The following RPS3A variants were observed in gnomAD, a reference collection of about 807,000 sequenced individuals.
The protein encoded by RPS3A is small ribosomal subunit protein eS1.
In RPS3A, 1 loss-of-function variant was observed where a neutral mutation model predicts 26.4. The ratio of observed to expected loss-of-function variants is 0.04; its 90% CI spans 0.01 to 0.18. RPS3A has a LOEUF of 0.18. Ranked by LOEUF, RPS3A falls within the 10% of genes least tolerant of loss-of-function variation. RPS3A has a pLI of 1.00. For synonymous variants in RPS3A, 97 were observed against 106.1 expected (o/e 0.91, Z 0.53); for missense variants, 139 against 326.8 (o/e 0.43, Z 4.43).
At chr4:151,099,980 G>A (rs1204326868) in intron 1 of RPS3A, 17 of 653,590 alleles carry the variant, frequency 2.6e-5, no homozygotes, top group Non-Finnish European at 4.5e-5. Context: ...AGTTTTGTGG[G>A]CTCACGAGCT....
Position 151,103,073 on chromosome 4 carries a change from A to G in RPS3A, c.557A>G (p.Asn186Ser), listed in dbSNP as rs745945343. Reference sequence around the variant, plus strand: ...ACAAATGACTTGAAAGAAGTGGTCAATAAATTGTAAGTGTTTCTTTGCTTC... The same window carrying G: ...ACAAATGACTTGAAAGAAGTGGTCAGTAAATTGTAAGTGTTTCTTTGCTTC... The part of the protein sequence containing the change: ...VQTNDLKEVV[N>S]KLIPDSIGKD... The change falls in exon 4 of 6, where the codon AAT (asparagine) becomes AGT (serine). Residue 186 changes from asparagine (N) to serine (S), a missense_variant. Asn to Ser is a conservative substitution (Grantham distance 46). Around this residue, in one of 3 missense-constraint regions of RPS3A, gnomAD observed 96 missense variants for 209.8 expected, o/e 0.46. Coordinates refer to ENST00000274065, the MANE Select transcript of RPS3A (RefSeq NM_001006.5). 52 of 1,597,820 alleles carry G rather than the reference A, an allele frequency of 3.3e-5. No individual in the cohort carries two copies. The highest frequency in any genetic ancestry group is 4.0e-5 in the Non-Finnish European group (47 of 1,178,950).
At chr4:151,104,092 C>T (rs750296441) in intron 4 of RPS3A, 85 bp from the exon 5 acceptor site, 1 of 1,515,866 alleles carries the variant, frequency 6.6e-7, no homozygotes, top group Non-Finnish European at 8.8e-7. Context: ...TAGGTTTATT[C>T]CAAGGCTTCT....
At position 151,104,439 on chromosome 4, in the gene RPS3A, G is replaced by GTTTTTTTTTTTTTTTTTTTTTTTTT. The variant is rs386401872; in HGVS notation, c.674-10_674-9insTTTTTTTTTTTTTTTTTTTTTTTTT. 3.7e-5 allele frequency: 26 copies of GTTTTTTTTTTTTTTTTTTTTTTTTT among 711,716 alleles called. 3 individuals carry two copies. The highest frequency in any genetic ancestry group is 1.1e-4 in the African/African-American group (4 of 34,808). The allele number at this position is 711,716 out of a possible 1,614,324, so 44.1% of individuals were successfully genotyped here. On this transcript the variant is annotated intron_variant, in intron 5 of 5. Coordinates refer to ENST00000274065, the MANE Select transcript of RPS3A (RefSeq NM_001006.5). ...TTCAAGATATACTAACAGTTTTTTG[G>GTTTTTTTTTTTTTTTTTTTTTTTTT]TTTTTTTTTTTTTTTTTTTTTTTGC...
chr4:151,101,191 G>T lies in RPS3A; in HGVS notation c.354+29G>T, dbSNP rs752541145. 5.4e-6 allele frequency: 8 copies of T among 1,469,706 alleles called. No homozygotes were observed. In the East Asian group the frequency reaches 1.6e-4, roughly 30 times the overall value. 91.0% of individuals were successfully genotyped at this position (1,469,706 alleles called of 1,614,324 possible). On this transcript the variant is annotated intron_variant, in intron 3 of 5. Coordinates refer to ENST00000274065, the MANE Select transcript of RPS3A (RefSeq NM_001006.5). ...AGACCCAAAGTTCCTTAGAGTGGTT[G>T]TGCTATGGGTGTTTGACCAAGGATA...
intron 4 of RPS3A, 200 bp from the exon 5 acceptor site, chr4:151,103,973 ACTAG>A (rs1747250790): frequency 2.0e-6 from 3 of 1,519,046 alleles, no homozygotes; most frequent in African/African-American, 2.8e-5. Context: ...TAACTTTGCC[ACTAG>A]CTAGCTATGT....
intron 3 of RPS3A, 41 bp from the exon 4 acceptor site, chr4:151,102,830 A>G: frequency 2.5e-6 from 4 of 1,575,686 alleles, no homozygotes; most frequent in Non-Finnish European, 3.5e-6. Context: ...TAAATGGATA[A>G]CGTAAAACCT....
At chr4:151,104,368 C>G (rs72965633) in intron 5 of RPS3A, 82 bp downstream of exon 5, 2 of 1,510,746 alleles carry the variant, frequency 1.3e-6, no homozygotes, top group African/African-American at 2.9e-5. Context: ...ATATCATGGC[C>G]TTCTTTTTCT....
intron 1 of RPS3A, 168 bp downstream of exon 1, chr4:151,099,882 C>T (rs1465317470): frequency 1.9e-5 from 13 of 671,128 alleles, no homozygotes; most frequent in Non-Finnish European, 3.4e-5. Flanking sequence ...TGTTGAGTAG[C>T]GGCAGGTCGG....
chr4:151,100,056 C>T, intron 1 of RPS3A: 2 of 562,606 alleles, frequency 3.6e-6, no homozygotes, highest in Middle Eastern at 2.7e-4. Flanking sequence ...CCCTTCTATC[C>T]ATTCAGGACC....
At chr4:151,100,743 C>T (rs1390923073) in intron 2 of RPS3A, among the ~76,000 whole-genome samples, 155 bp downstream of exon 2, 1 of 152,154 alleles carries the variant, frequency 6.6e-6, no homozygotes, top group Non-Finnish European at 1.5e-5. Flanking sequence ...ATTTTTAGTA[C>T]AGCACTTGGA....
At position 151,104,631 on chromosome 4, in the gene RPS3A, T is replaced by A. The variant is rs747719931; in HGVS notation, c.*38T>A. The A allele has an allele frequency of 1.3e-6, 2 of 1,561,760 alleles. No individual in the cohort carries two copies. Among genetic ancestry groups the A allele is most frequent in the Non-Finnish European group, 1.7e-6 (2 of 1,169,304 alleles). On this transcript the variant is annotated 3_prime_UTR_variant, in exon 6 of 6. Transcript: ENST00000274065. ...AAATAGTGGCAAATAAAAAGTGCTA[T>A]TTGTGATGGTTTGCTTCTGAACATT...
At position 151,104,083 on chromosome 4, in the gene RPS3A, A is replaced by T. The variant is rs1248198731; in HGVS notation, c.564-94A>T. On this transcript the variant is annotated intron_variant, in intron 4 of 5. Transcript: ENST00000274065. ...GTTAAATGAGGTAGGTGTTATGTGT[A>T]GGTTTATTCCAAGGCTTCTCTACTT... 7.9e-6 allele frequency: 12 copies of T among 1,517,214 alleles called. No homozygotes were observed. In the East Asian group the frequency reaches 2.3e-4, roughly 29 times the overall value. The allele number at this position is 1,517,214 out of a possible 1,614,324, so 94.0% of individuals were successfully genotyped here.
intron 3 of RPS3A, among the ~76,000 whole-genome samples, chr4:151,101,740 T>C (rs976134963): frequency 2.0e-5 from 3 of 151,748 alleles, no homozygotes; most frequent in Non-Finnish European, 4.4e-5. Context: ...TTTGTGGGAG[T>C]TTTTTGTTTT....
chr4:151,104,066 A>G (rs182992489), intron 4 of RPS3A, 111 bp from the exon 5 acceptor site: 25 of 1,499,292 alleles, frequency 1.7e-5, no homozygotes, highest in Admixed American at 4.9e-5. Context: ...AGGTTAAATG[A>G]GGTAGGTGTT....
rs1418562412 is a variant in RPS3A at position 151,100,029 on chromosome 4, A to G, written c.62+315A>G. ...GAGTGTTTGATGGCACTGCGACAGCAGGAGTTGAGGAAAGCACCCTTCTAT... is the reference window on the plus strand; with the variant it reads ...GAGTGTTTGATGGCACTGCGACAGCGGGAGTTGAGGAAAGCACCCTTCTAT... On this transcript the variant is annotated intron_variant, in intron 1 of 5. Coordinates refer to ENST00000274065, the MANE Select transcript of RPS3A (RefSeq NM_001006.5). 5.0e-6 allele frequency: 3 copies of G among 599,096 alleles called. No homozygotes were observed. The African/African-American group carries it at 5.5e-5, about 11-fold the overall frequency. 37.1% of individuals were successfully genotyped at this position (599,096 alleles called of 1,614,324 possible). A position where few individuals can be genotyped will look rare whatever the true frequency, so the allele number is the denominator to read the frequency against.
chr4:151,104,494 T>C lies in RPS3A; in HGVS notation c.696T>C (p.His232=), dbSNP rs1747285140. ...TAGTGGGAAAGCTCATGGAGCTTCA[T>C]GGTGAAGGCAGTAGTTCTGGAAAAG... ...KFELGKLMEL[H]GEGSSSGKAT... Residue 232 remains histidine, a synonymous_variant, in exon 6 of 6, where the codon CAT becomes CAC. Transcript: ENST00000274065. The C allele has an allele frequency of 6.6e-7, 1 of 1,506,266 alleles. No individual in the cohort carries two copies. Among genetic ancestry groups the C allele is most frequent in the East Asian group, 2.3e-5 (1 of 42,666 alleles). 93.3% of individuals were successfully genotyped at this position (1,506,266 alleles called of 1,614,324 possible). A position where few individuals can be genotyped will look rare whatever the true frequency, so the allele number is the denominator to read the frequency against.
intron 2 of RPS3A, 61 bp downstream of exon 2, chr4:151,100,649 C>T (rs1747079512): frequency 3.0e-6 from 3 of 1,000,378 alleles, no homozygotes; most frequent in Non-Finnish European, 4.8e-6. Context: ...TTGTAGCAGG[C>T]ATCTTGGTCT....
At chr4:151,100,455 A>G (rs771801009) in intron 1 of RPS3A, 30 bp from the exon 2 acceptor site, 10 of 1,195,978 alleles carry the variant, frequency 8.4e-6, no homozygotes, top group South Asian at 2.5e-5. Context: ...TTGATCTGCA[A>G]TGGAACTTAA....
At position 151,099,731 on chromosome 4, in the gene RPS3A, G is replaced by A. The variant is rs773415595; in HGVS notation, c.62+17G>A. The stretch of plus-strand genomic sequence containing the variant: ...GAAGAAAGTGTAAGTCGCGACTGTC[G>A]TGGCGTCTTGCTTTTTGGGGGTCTG... On this transcript the variant is annotated intron_variant, in intron 1 of 5. Transcript: ENST00000274065. 30 of 1,607,428 alleles carry A rather than the reference G, an allele frequency of 1.9e-5. No individual in the cohort carries two copies. In the South Asian group the frequency reaches 3.3e-4, roughly 18 times the overall value.
Sources: allele counts gnomAD v4.1 joint callset (sites outside exome capture counted in the v4.1 genomes callset), GRCh38; gene constraint gnomAD v4.1.1; regional missense constraint gnomAD v4.1.1; transcripts MANE v1.5; gene names NCBI Gene and HGNC (gene_info 2026-07-23, HGNC 2026-07-21).